The following RB1 variants were observed in gnomAD, a reference collection of about 807,000 sequenced individuals.
The protein encoded by RB1 is retinoblastoma-associated protein.
RB1 carries 18 observed loss-of-function variants against 135.4 expected under a neutral mutation model. The observed-to-expected ratio is 0.13, with a 90% CI of 0.09 to 0.20. The LOEUF (loss-of-function observed/expected upper bound fraction) is 0.20. RB1 is among the 10% of genes least tolerant of loss of function. The pLI, the probability that RB1 is intolerant of heterozygous loss-of-function variation, is 1.00. For synonymous variants in RB1, 365 were observed against 373.2 expected (o/e 0.98, Z 0.25); for missense variants, 868 against 1,110.0 (o/e 0.78, Z 3.10).
intron 12 of RB1, among the ~76,000 whole-genome samples, chr13:48,376,570 T>G (rs1379626613): frequency 6.6e-6 from 1 of 152,104 alleles, no homozygotes; most frequent in Non-Finnish European, 1.5e-5. Flanking sequence ...ATTTGCTTTT[T>G]CGGAAGCAAC....
chr13:48,431,855 C>T (rs945814162), intron 17 of RB1, among the ~76,000 whole-genome samples: 6 of 152,076 alleles, frequency 3.9e-5, no homozygotes, highest in African/African-American at 1.4e-4. Context: ...TTTTTTCCTG[C>T]TTATGTTGTC....
At chr13:48,412,594 A>C in intron 17 of RB1, 1 of 634,512 alleles carries the variant, frequency 1.6e-6, no homozygotes, top group Non-Finnish European at 2.9e-6. Context: ...GAAACATGAA[A>C]TTTGTTGCTG....
intron 19 of RB1, among the ~76,000 whole-genome samples, chr13:48,456,599 G>C (rs563859714): frequency 1.3e-5 from 2 of 152,308 alleles, no homozygotes; most frequent in East Asian, 3.9e-4. Flanking sequence ...GGCCCACCGG[G>C]CTCATTTCAG....
rs189594622 is a variant in RB1, at chr13:48,351,412, G to T, written c.607+2389G>T. Reference sequence around the variant, plus strand: ...TGAAAAGTGTCTGTTCATGTGCCTTGCCCACTTTTTAGTGGGGTTGGTTTT... The same window carrying T: ...TGAAAAGTGTCTGTTCATGTGCCTTTCCCACTTTTTAGTGGGGTTGGTTTT... On this transcript the variant is annotated intron_variant, in intron 6 of 26. Coordinates refer to ENST00000267163, the MANE Select transcript of RB1 (RefSeq NM_000321.3). Among the ~76,000 whole-genome samples the T allele has an allele frequency of 1.2e-3, 187 of 151,992 alleles. 2 individuals are homozygous for T. Among genetic ancestry groups the T allele is most frequent in the South Asian group, 3.5e-3 (17 of 4,816 alleles).
intron 17 of RB1, among the ~76,000 whole-genome samples, chr13:48,440,875 A>G (rs1376783702): frequency 6.6e-6 from 1 of 152,042 alleles, no homozygotes; most frequent in Non-Finnish European, 1.5e-5. Flanking sequence ...ATGATTTTAA[A>G]CTCTCATCTG....
chr13:48,396,827 G>A (rs145587474), intron 17 of RB1, among the ~76,000 whole-genome samples: 335 of 152,266 alleles, frequency 2.2e-3, no homozygotes, highest in African/African-American at 7.8e-3. Flanking sequence ...ATCAAAAAGT[G>A]GGTGAAGGAT....
chr13:48,326,482 A>AATATCAGAAG (rs1952288213), intron 2 of RB1, among the ~76,000 whole-genome samples: 1 of 152,154 alleles, frequency 6.6e-6, no homozygotes, highest in African/African-American at 2.4e-5. Context: ...TCAAGAAAAG[A>AATATCAGAAG]ATATCAGAAG....
Position 48,381,293 on chromosome 13 carries a change from A to C in RB1, c.1545A>C (p.Pro515=). The C allele has an allele frequency of 6.2e-7, 1 of 1,612,242 alleles. No individual in the cohort carries two copies. The highest frequency in any genetic ancestry group is 1.1e-5 in the South Asian group (1 of 90,564). ...NLDSGTDLSF[P]WILNVLNLKA... ...ATTCTGGAACAGATTTGTCTTTCCC[A>C]TGGATTCTGAATGTGCTTAATTTAA... is the stretch of plus-strand genomic sequence containing the variant. Residue 515 remains proline (P), a synonymous_variant, in exon 17 of 27, where the codon CCA becomes CCC. Coordinates refer to ENST00000267163, the MANE Select transcript of RB1 (RefSeq NM_000321.3).
intron 6 of RB1, among the ~76,000 whole-genome samples, chr13:48,353,138 T>C (rs1418124774): frequency 1.3e-5 from 2 of 151,354 alleles, no homozygotes; most frequent in African/African-American, 4.9e-5. Context: ...AATGAAAAAA[T>C]TGCAAAAGAT....
At chr13:48,383,042 C>T (rs1188869283) in intron 17 of RB1, among the ~76,000 whole-genome samples, 3 of 151,994 alleles carry the variant, frequency 2.0e-5, no homozygotes, top group African/African-American at 7.2e-5. Flanking sequence ...CTGTTCTAAA[C>T]CAAAACAGAA....
At chr13:48,450,093 TA>T (rs59723719) in intron 17 of RB1, among the ~76,000 whole-genome samples, 19,243 of 124,938 alleles carry the variant, frequency 0.15, 1,283 homozygotes, top group African/African-American at 0.2. Flanking sequence ...GATATATATA[TA>T]TTTTTTTTTT....
chr13:48,478,439 A>C (rs1049097330), intron 26 of RB1, among the ~76,000 whole-genome samples: 1 of 152,222 alleles, frequency 6.6e-6, no homozygotes, highest in Non-Finnish European at 1.5e-5. Flanking sequence ...CCCTCAGTAC[A>C]TGAAAATAGA....
chr13:48,400,481 G>A (rs940418343), intron 17 of RB1, among the ~76,000 whole-genome samples: 7 of 151,954 alleles, frequency 4.6e-5, no homozygotes, highest in Admixed American at 1.3e-4. Context: ...GTCATGATTC[G>A]TTTATTTGCT....
intron 2 of RB1, chr13:48,317,587 G>C: frequency 2.3e-6 from 1 of 433,970 alleles, no homozygotes; most frequent in South Asian, 2.3e-5. Flanking sequence ...AGCATGCTCG[G>C]CCCCTCGTGA....
intron 17 of RB1, among the ~76,000 whole-genome samples, chr13:48,429,868 G>A (rs1284248026): frequency 6.6e-6 from 1 of 152,164 alleles, no homozygotes; most frequent in Non-Finnish European, 1.5e-5. Context: ...AGTGCAGGAT[G>A]TAGATGAAAA....
intron 17 of RB1, among the ~76,000 whole-genome samples, chr13:48,396,518 AC>A (rs1364595192): frequency 3.3e-5 from 5 of 152,210 alleles, no homozygotes; most frequent in Non-Finnish European, 5.9e-5. Flanking sequence ...AAAGACTTAA[AC>A]ATAACACCTA....
At chr13:48,387,982 C>T (rs1948583378) in intron 17 of RB1, among the ~76,000 whole-genome samples, 1 of 152,112 alleles carries the variant, frequency 6.6e-6, no homozygotes, top group African/African-American at 2.4e-5. Context: ...CTGCCTTTTT[C>T]TTGACCAGAT....
intron 17 of RB1, among the ~76,000 whole-genome samples, chr13:48,448,687 G>A (rs934789331): frequency 4.6e-5 from 7 of 152,126 alleles, no homozygotes; most frequent in South Asian, 2.1e-4. Context: ...AGTTGAAAGC[G>A]CATCTTTAAC....
chr13:48,380,414 T>A (rs913324413), intron 16 of RB1, among the ~76,000 whole-genome samples, 173 bp downstream of exon 16: 2 of 151,666 alleles, frequency 1.3e-5, no homozygotes, highest in Admixed American at 1.3e-4. Context: ...AAGAGGCTTA[T>A]TTGAGTTATT....
Sources: gnomAD v4.1 joint callset for allele counts (sites outside exome capture counted in the v4.1 genomes callset) on GRCh38, gnomAD v4.1.1 for gene constraint, MANE v1.5 for transcripts, NCBI Gene and HGNC (gene_info 2026-07-23, HGNC 2026-07-21) for gene names.